KIF3A: variants seen among roughly 807,000 people sequenced by gnomAD.
The protein encoded by KIF3A is kinesin family member 3A.
A neutral mutation model predicts 92.6 loss-of-function variants in KIF3A; 27 were observed. The ratio of observed to expected loss-of-function variants is 0.29; its 90% confidence interval spans 0.21 to 0.40. The LOEUF (loss-of-function observed/expected upper bound fraction) is 0.40, where lower values mean the gene tolerates loss of function less well. KIF3A is among the 10% of genes least tolerant of loss of function. The pLI, the probability that KIF3A is intolerant of heterozygous loss-of-function variation, is 1.00. For missense variants in KIF3A, 581 were observed against 872.6 expected (o/e 0.67, Z 4.21); for synonymous variants, 250 against 275.4 (o/e 0.91, Z 0.92).
intron 2 of KIF3A, among the ~76,000 whole-genome samples, chr5:132,728,982 C>T (rs1197567405): frequency 1.3e-5 from 2 of 152,024 alleles, no homozygotes; most frequent in South Asian, 2.1e-4. Context: ...CTGGCAGCAA[C>T]CTGGATGGAA....
intron 1 of KIF3A, among the ~76,000 whole-genome samples, chr5:132,736,168 G>A (rs1176963810): frequency 6.6e-6 from 1 of 152,158 alleles, no homozygotes; most frequent in African/African-American, 2.4e-5. Context: ...ATGTCTTTCT[G>A]TCTACACCAG....
chr5:132,706,079 G>A (rs1055855002), intron 11 of KIF3A, among the ~76,000 whole-genome samples: 28 of 152,044 alleles, frequency 1.8e-4, no homozygotes, highest in Admixed American at 3.3e-4. Flanking sequence ...AACGTTAACC[G>A]GCCAGGGTAA....
At chr5:132,728,762 AATAAATAAATAT>A (rs1380696270) in intron 2 of KIF3A, among the ~76,000 whole-genome samples, 33 of 151,710 alleles carry the variant, frequency 2.2e-4, no homozygotes, top group African/African-American at 7.5e-4. Flanking sequence ...TAAATAAATA[AATAAATAAATAT>A]AATAAACTAT....
At chr5:132,721,717 T>TTAA (rs532569968) in intron 4 of KIF3A, 1 of 145,218 alleles carries the variant, frequency 6.9e-6, no homozygotes, top group Non-Finnish European at 1.5e-5. Context: ...CTATTAGTAG[T>TTAA]AAAAAAAAAA....
At chr5:132,722,938 T>C (rs1404002472) in intron 4 of KIF3A, 1 of 152,230 alleles carries the variant, frequency 6.6e-6, no homozygotes, top group African/African-American at 2.4e-5. Context: ...CATATCTAAA[T>C]ACTAGCATTT....
Position 132,696,528 on chromosome 5 carries a change from C to T in KIF3A, c.*106G>A. On this transcript the variant is annotated 3_prime_UTR_variant, in exon 19 of 19. Transcript: ENST00000403231. Reference sequence around the variant, plus strand: ...TCCAGTCTTATTCATTGATCTACAACTTCCATTAATTGAAATTATAGAGAA... The same window carrying T: ...TCCAGTCTTATTCATTGATCTACAATTTCCATTAATTGAAATTATAGAGAA... 1.4e-6 allele frequency: 1 copy of T among 709,294 alleles called. No homozygotes were observed. The highest frequency in any genetic ancestry group is 2.5e-6 in the Non-Finnish European group (1 of 397,356). 43.9% of individuals were successfully genotyped at this position (709,294 alleles called of 1,614,324 possible).
chr5:132,708,671 A>C (rs916749371), intron 10 of KIF3A, among the ~76,000 whole-genome samples: 3 of 152,260 alleles, frequency 2.0e-5, no homozygotes, highest in Non-Finnish European at 4.4e-5. Context: ...CAATTGCAAA[A>C]GCATGAATCT....
In KIF3A at chr5:132,694,179, G is replaced by C. The variant is rs1237326209; in HGVS notation, c.*2455C>G. The C allele has an allele frequency of 6.6e-6, 1 of 152,062 alleles. No homozygotes were observed. Among genetic ancestry groups the C allele is most frequent in the African/African-American group, 2.4e-5 (1 of 41,360 alleles). The allele number at this position is 152,062 out of a possible 1,614,324, so 9.4% of individuals were successfully genotyped here. ...GCACTTCGGGAGCCTGAGGCGGGTG[G>C]ATCACTTAAGCTCTAGGAGTTCAAG... On this transcript the variant is annotated 3_prime_UTR_variant, in exon 19 of 19. Coordinates refer to ENST00000403231, the MANE Select transcript of KIF3A (RefSeq NM_001300791.2).
rs912521334 is a variant in KIF3A at position 132,737,527 on chromosome 5, T to G, written c.-108A>C. On this transcript the variant is annotated 5_prime_UTR_variant, in exon 1 of 19. Coordinates refer to ENST00000403231, the MANE Select transcript of KIF3A (RefSeq NM_001300791.2). ...GACTACCGAAACACCTCGTTGACGC[T>G]CTCGAGACTGCGGCTTCTCGGGCGA... 4 of 1,313,888 alleles carry G rather than the reference T, an allele frequency of 3.0e-6. No homozygotes were observed. The highest frequency in any genetic ancestry group is 4.2e-6 in the Non-Finnish European group (4 of 954,716). The allele number at this position is 1,313,888 out of a possible 1,614,324, so 81.4% of individuals were successfully genotyped here.
intron 8 of KIF3A, among the ~76,000 whole-genome samples, chr5:132,714,931 C>A (rs1273125827): frequency 6.6e-6 from 1 of 152,098 alleles, no homozygotes; most frequent in African/African-American, 2.4e-5. Flanking sequence ...TTTAAAACAC[C>A]AAATTTCATT....
At chr5:132,699,858 G>A (rs1005571050) in intron 17 of KIF3A, among the ~76,000 whole-genome samples, 3 of 152,060 alleles carry the variant, frequency 2.0e-5, no homozygotes, top group Non-Finnish European at 2.9e-5. Flanking sequence ...CACCACGCCC[G>A]GCCCGCTCCC....
intron 9 of KIF3A, among the ~76,000 whole-genome samples, chr5:132,710,354 C>G (rs894477743): frequency 6.6e-6 from 1 of 152,148 alleles, no homozygotes; most frequent in Non-Finnish European, 1.5e-5. Flanking sequence ...TGGTGGCTCA[C>G]GCCTGTAGTC....
intron 5 of KIF3A, among the ~76,000 whole-genome samples, chr5:132,718,120 T>C (rs1331469233): frequency 1.3e-5 from 2 of 152,222 alleles, no homozygotes; most frequent in African/African-American, 4.8e-5. Flanking sequence ...CTGTATTTTA[T>C]ATACATACGT....
intron 8 of KIF3A, among the ~76,000 whole-genome samples, chr5:132,715,202 C>T (rs532300737): frequency 3.3e-5 from 5 of 152,212 alleles, no homozygotes; most frequent in East Asian, 2.0e-4. Flanking sequence ...GCGTCTCACT[C>T]TCATAAATAA....
Position 132,702,581 on chromosome 5 carries a change from T to C in KIF3A, c.1735A>G (p.Met579Val), listed in dbSNP as rs1231350485. 3.1e-6 allele frequency: 5 copies of C among 1,611,010 alleles called. No individual in the cohort carries two copies. Among genetic ancestry groups the C allele is most frequent in the African/African-American group, 2.7e-5 (2 of 74,970 alleles). The change falls in exon 14 of 19, where the codon ATG (methionine) becomes GTG (valine). Residue 579 changes from methionine (M) to valine (V), a missense_variant. Coordinates refer to ENST00000403231, the MANE Select transcript of KIF3A (RefSeq NM_001300791.2). Reference sequence around the variant, plus strand: ...ACCTCTGACTTTGCAGCCATCAGCATAGTCCAAACTTTCTTTAACTTCTTG... The same window carrying C: ...ACCTCTGACTTTGCAGCCATCAGCACAGTCCAAACTTTCTTTAACTTCTTG... ...KTKKLKKVWT[M>V]LMAAKSEMAD...
intron 4 of KIF3A, among the ~76,000 whole-genome samples, chr5:132,723,905 C>T (rs1753912559): frequency 1.3e-5 from 2 of 152,196 alleles, no homozygotes; most frequent in Admixed American, 1.3e-4. Flanking sequence ...ACTCATCTGA[C>T]AAAAGGCTAA....
At chr5:132,736,120 G>T (rs1404163914) in intron 1 of KIF3A, among the ~76,000 whole-genome samples, 1 of 152,166 alleles carries the variant, frequency 6.6e-6, no homozygotes, top group Non-Finnish European at 1.5e-5. Flanking sequence ...CCCCTTCCTG[G>T]ACACAAATTT....
In KIF3A at chr5:132,702,635, T is replaced by C. The variant is rs1286001501; in HGVS notation, c.1681A>G (p.Ser561Gly). 6 of 1,612,962 alleles carry C rather than the reference T, an allele frequency of 3.7e-6. No individual in the cohort carries two copies. Among genetic ancestry groups the C allele is most frequent in the African/African-American group, 1.3e-5 (1 of 74,916 alleles). ...TTTCCCTGTGCTTCCTCTTGCAAACTGGTATATTTTTCTTCAATATCCAAG... is the reference window on the plus strand; with the variant it reads ...TTTCCCTGTGCTTCCTCTTGCAAACCGGTATATTTTTCTTCAATATCCAAG... ...ERLDIEEKYT[S>G]LQEEAQGKTK... Residue 561 changes from serine (S) to glycine (G), a missense_variant, in exon 14 of 19, where the codon AGT (serine) becomes GGT (glycine). By Grantham distance (56) the Ser-to-Gly change is moderately conservative. Coordinates refer to ENST00000403231, the MANE Select transcript of KIF3A (RefSeq NM_001300791.2).
At chr5:132,729,967 T>C (rs1754167106) in intron 2 of KIF3A, among the ~76,000 whole-genome samples, 1 of 151,854 alleles carries the variant, frequency 6.6e-6, no homozygotes, top group African/African-American at 2.4e-5. Context: ...TCTGAGAAGA[T>C]CGATAAGATA....
Sources: gnomAD v4.1 joint callset for allele counts (sites outside exome capture counted in the v4.1 genomes callset) on GRCh38, gnomAD v4.1.1 for gene constraint, MANE v1.5 for transcripts, NCBI Gene and HGNC (gene_info 2026-07-23, HGNC 2026-07-21) for gene names.